Variants in ACVR2A observed in about 807,000 individuals in gnomAD.
The protein encoded by ACVR2A is activin A receptor type 2A, also known as activin receptor type-2A.
In ACVR2A, 7 loss-of-function variants were observed where a neutral mutation model predicts 61.4. That is an observed-to-expected ratio of 0.11 (90% CI 0.06 to 0.21). The LOEUF (loss-of-function observed/expected upper bound fraction) is 0.21. Among genes scored for constraint, ACVR2A ranks in the 10% least tolerant of loss-of-function variants. The pLI is 1.00. For missense variants in ACVR2A, 322 were observed against 621.7 expected (o/e 0.52, Z 5.13); for synonymous variants, 193 against 208.3 (o/e 0.93, Z 0.63).
intron 1 of ACVR2A, among the ~76,000 whole-genome samples, chr2:147,886,387 A>G (rs17742573): frequency 0.052 from 7,920 of 152,304 alleles, 262 homozygotes; most frequent in Non-Finnish European, 0.075. Context: ...AGATTGTTTC[A>G]TACCTCTTTA....
chr2:147,885,007 A>G (rs1020618177), intron 1 of ACVR2A, among the ~76,000 whole-genome samples: 4 of 152,064 alleles, frequency 2.6e-5, no homozygotes, highest in African/African-American at 9.7e-5. Flanking sequence ...TTTGGTCTTC[A>G]TCTTCCCAAC....
intron 6 of ACVR2A, 117 bp from the exon 7 acceptor site, chr2:147,918,330 G>T: frequency 1.2e-6 from 1 of 808,446 alleles, no homozygotes. Flanking sequence ...TTGTTTCTTG[G>T]ATATTATTTT....
rs142893704 is a variant in ACVR2A, at chr2:147,923,354, T to C, written c.1216+243T>C. On this transcript the variant is annotated intron_variant, in intron 9 of 10. Transcript: ENST00000241416. Reference sequence around the variant, plus strand: ...GACACTTCACATACCTTAAGGTTATTTCCTAAAACGGTTTCAGAGGTAGTT... The same window carrying C: ...GACACTTCACATACCTTAAGGTTATCTCCTAAAACGGTTTCAGAGGTAGTT... Among the ~76,000 whole-genome samples, 540 of 152,164 alleles carry C rather than the reference T, an allele frequency of 3.5e-3. 2 individuals carry two copies. The highest frequency in any genetic ancestry group is 5.4e-3 in the Non-Finnish European group (368 of 67,964).
At chr2:147,859,241 C>T (rs1191098108) in intron 1 of ACVR2A, among the ~76,000 whole-genome samples, 7 of 152,046 alleles carry the variant, frequency 4.6e-5, no homozygotes, top group Admixed American at 4.6e-4. Flanking sequence ...TTCTCCCCAG[C>T]ACTCTCACAG....
At chr2:147,916,698 C>G (rs1687256452) in intron 5 of ACVR2A, among the ~76,000 whole-genome samples, 1 of 151,844 alleles carries the variant, frequency 6.6e-6, no homozygotes, top group Non-Finnish European at 1.5e-5. Context: ...AGAAGCTAAT[C>G]TTTTATAAGT....
At chr2:147,854,660 A>G (rs115176289) in intron 1 of ACVR2A, among the ~76,000 whole-genome samples, 420 of 152,332 alleles carry the variant, frequency 2.8e-3, no homozygotes, top group African/African-American at 9.5e-3. Context: ...ACAAATCAAT[A>G]TTGAACTACA....
chr2:147,916,114 T>G (rs2105214637), intron 5 of ACVR2A, among the ~76,000 whole-genome samples: 1 of 152,030 alleles, frequency 6.6e-6, no homozygotes, highest in South Asian at 2.1e-4. Context: ...TTAATATACC[T>G]AGATTTTAAC....
intron 4 of ACVR2A, among the ~76,000 whole-genome samples, chr2:147,912,053 T>TA (rs376375675): frequency 1.1e-4 from 16 of 151,990 alleles, no homozygotes; most frequent in African/African-American, 3.9e-4. Context: ...GATATTTTGC[T>TA]ATCTGAGGTT....
chr2:147,851,289 T>A (rs559014359), intron 1 of ACVR2A, among the ~76,000 whole-genome samples: 3 of 152,140 alleles, frequency 2.0e-5, no homozygotes, highest in Admixed American at 6.5e-5. Flanking sequence ...TGGTTAAGAG[T>A]ATAGACTCTG....
chr2:147,858,054 G>A (rs562417241), intron 1 of ACVR2A, among the ~76,000 whole-genome samples: 118 of 152,160 alleles, frequency 7.8e-4, no homozygotes, highest in Non-Finnish European at 1.4e-3. Flanking sequence ...GTGAGAACTT[G>A]TGGTATTTGG....
intron 1 of ACVR2A, among the ~76,000 whole-genome samples, chr2:147,845,500 G>T (rs867223798): frequency 3.9e-5 from 6 of 152,144 alleles, no homozygotes; most frequent in African/African-American, 1.4e-4. Flanking sequence ...CTGGATGACA[G>T]CGCTGGTTGG....
chr2:147,864,220 T>G (rs1323514141), intron 1 of ACVR2A, among the ~76,000 whole-genome samples: 2 of 152,058 alleles, frequency 1.3e-5, no homozygotes, highest in Non-Finnish European at 2.9e-5. Flanking sequence ...ACCTCAACTT[T>G]CTGTTACTAT....
At position 147,917,442 on chromosome 2, in the gene ACVR2A, G is replaced by C; in HGVS notation, c.816+16G>C. On this transcript the variant is annotated intron_variant, in intron 6 of 10. Transcript: ENST00000241416. ...TCATGAAAAGGTAAAACTACTTAAC[G>C]TTTTACTTTAGTAAAGTCTGAGTTG... The C allele has an allele frequency of 1.9e-6, 3 of 1,609,064 alleles. No homozygotes were observed. The highest frequency in any genetic ancestry group is 8.5e-7 in the Non-Finnish European group (1 of 1,177,488).
rs115442552 is a variant in ACVR2A at position 147,888,538 on chromosome 2, C to T, written c.56-7763C>T. Among the ~76,000 whole-genome samples the T allele has an allele frequency of 5.7e-3, 873 of 152,196 alleles. 6 individuals carry two copies. Among genetic ancestry groups the T allele is most frequent in the African/African-American group, 0.02 (824 of 41,532 alleles). On this transcript the variant is annotated intron_variant, in intron 1 of 10. Coordinates refer to ENST00000241416, the MANE Select transcript of ACVR2A (RefSeq NM_001616.5). Reference sequence around the variant, plus strand: ...AGTGTTTTATTTTTCTTCAGAGCAACCGTAACTGGTGTTGCATTTTTAATT... The same window carrying T: ...AGTGTTTTATTTTTCTTCAGAGCAATCGTAACTGGTGTTGCATTTTTAATT...
At chr2:147,904,088 A>G (rs939460997) in intron 4 of ACVR2A, among the ~76,000 whole-genome samples, 4 of 152,116 alleles carry the variant, frequency 2.6e-5, no homozygotes, top group Admixed American at 1.3e-4. Flanking sequence ...GAATGACATT[A>G]TTCAGTTCTT....
intron 1 of ACVR2A, among the ~76,000 whole-genome samples, chr2:147,882,019 A>G (rs1382518880): frequency 6.6e-6 from 1 of 152,176 alleles, no homozygotes; most frequent in Non-Finnish European, 1.5e-5. Flanking sequence ...TTATAAAAGG[A>G]AATTCTACCA....
chr2:147,908,818 GA>G (rs1558810747), intron 4 of ACVR2A, among the ~76,000 whole-genome samples: 1 of 151,804 alleles, frequency 6.6e-6, no homozygotes, highest in Non-Finnish European at 1.5e-5. Flanking sequence ...TCCACTCCCA[GA>G]AAAAAATCAG....
At chr2:147,876,705 C>T (rs1238524071) in intron 1 of ACVR2A, among the ~76,000 whole-genome samples, 1 of 152,032 alleles carries the variant, frequency 6.6e-6, no homozygotes, top group Non-Finnish European at 1.5e-5. Flanking sequence ...CAGAATTGTT[C>T]TTCATTAGAA....
chr2:147,849,067 G>T (rs895176879), intron 1 of ACVR2A, among the ~76,000 whole-genome samples: 1 of 152,034 alleles, frequency 6.6e-6, no homozygotes, highest in Non-Finnish European at 1.5e-5. Flanking sequence ...AAATGCTTGA[G>T]AATTCACCAG....
Sources: gnomAD v4.1 joint callset for allele counts (sites outside exome capture counted in the v4.1 genomes callset) on GRCh38, gnomAD v4.1.1 for gene constraint, MANE v1.5 for transcripts, NCBI Gene and HGNC (gene_info 2026-07-23, HGNC 2026-07-21) for gene names.